The following ABCC6 variants were observed in gnomAD, a reference collection of about 807,000 sequenced individuals.
The protein encoded by ABCC6 is ATP-binding cassette sub-family C member 6.
In ABCC6, 126 loss-of-function variants were observed where a neutral mutation model predicts 169.5. The ratio of observed to expected loss-of-function variants is 0.74; its 90% CI spans 0.64 to 0.86. The LOEUF is 0.86. ABCC6 is among the 40% of genes least tolerant of loss of function. ABCC6 has a pLI of 0.00. For missense variants in ABCC6, 1,733 were observed against 1,927.2 expected (o/e 0.90, Z 1.89); for synonymous variants, 752 against 814.7 (o/e 0.92, Z 1.31).
intron 14 of ABCC6, 144 bp downstream of exon 14, chr16:16,186,980 G>A (rs897129499): frequency 2.8e-6 from 2 of 722,068 alleles, no homozygotes; most frequent in African/African-American, 1.7e-5. Flanking sequence ...CAAGTGACAC[G>A]CAGATGGCGT....
intron 10 of ABCC6, among the ~76,000 whole-genome samples, chr16:16,196,017 C>T (rs995286868): frequency 6.6e-6 from 1 of 151,908 alleles, no homozygotes; most frequent in Non-Finnish European, 1.5e-5. Context: ...CAGGACCAGC[C>T]CAGCCAACAT....
rs200013713 is a variant in ABCC6, at chr16:16,197,982, G to A, written c.1338+39C>T. On this transcript the variant is annotated intron_variant, in intron 10 of 30. Coordinates refer to ENST00000205557, the MANE Select transcript of ABCC6 (RefSeq NM_001171.6). The stretch of plus-strand genomic sequence containing the variant: ...GAGGAGGGGGAGAAGGAGGGGGTGG[G>A]GGACTCCGTTCAAATCCCGTCTTCC... The A allele has an allele frequency of 3.1e-4, 502 of 1,595,586 alleles. 1 individual carries two copies. Among genetic ancestry groups the A allele is most frequent in the South Asian group, 2.1e-3 (184 of 89,244 alleles).
intron 15 of ABCC6, among the ~76,000 whole-genome samples, chr16:16,183,204 C>T (rs778641795): frequency 2.6e-5 from 4 of 152,190 alleles, no homozygotes; most frequent in Non-Finnish European, 5.9e-5. Context: ...AATGTGGGCA[C>T]GCATCCACAC....
intron 15 of ABCC6, among the ~76,000 whole-genome samples, chr16:16,183,162 T>G (rs1218633950): frequency 1.3e-5 from 2 of 152,050 alleles, no homozygotes; most frequent in African/African-American, 4.8e-5. Flanking sequence ...ATTTGCACAC[T>G]CATACAAGCA....
chr16:16,156,718 G>T (rs572047843), intron 27 of ABCC6, among the ~76,000 whole-genome samples: 4 of 151,848 alleles, frequency 2.6e-5, no homozygotes, highest in Non-Finnish European at 4.4e-5. Flanking sequence ...GAGGCCGAGG[G>T]GGGTGATTGA....
In ABCC6 at chr16:16,198,083, A is replaced by G; in HGVS notation, c.1276T>C (p.Tyr426His). 6.2e-7 allele frequency: 1 copy of G among 1,614,064 alleles called. No individual in the cohort carries two copies. Among genetic ancestry groups the G allele is most frequent in the Non-Finnish European group, 8.5e-7 (1 of 1,179,994 alleles). ...DVQRLTESVL[Y>H]LNGLWLPLVW... is the part of the protein sequence containing the mutation. The stretch of plus-strand genomic sequence containing the variant: ...AGAGGCAGCCACAGCCCGTTGAGGT[A>G]GAGGACGCTCTCGGTCAGCCGCTGC... Residue 426 changes from tyrosine to histidine, a missense_variant, in exon 10 of 31, where the codon TAC (tyrosine) becomes CAC (histidine). By Grantham distance (83) the Tyr-to-His change is moderately conservative. This residue lies in a region of ABCC6 where 1,601 missense variants were observed against 1,635.5 expected (regional missense o/e 0.98). Transcript: ENST00000205557.
chr16:16,214,373 G>A lies in ABCC6; in HGVS notation c.551C>T (p.Ser184Phe). 2.6e-6 allele frequency: 4 copies of A among 1,551,236 alleles called. No individual in the cohort carries two copies. The highest frequency in any genetic ancestry group is 1.2e-5 in the South Asian group (1 of 84,034). ...LSLVVAQFVL[S>F]CLADQPPFFP... ...GAAGGGGGGTTGATCCGCCAGGCAG[G>A]ACAGCACAAACTGTGCCACCACCAG... Residue 184 changes from serine (S) to phenylalanine (F), a missense_variant, in exon 5 of 31, where the codon TCC (serine) becomes TTC (phenylalanine). Physicochemically the swap from Ser to Phe is radical, Grantham distance 155. Transcript: ENST00000205557.
intron 29 of ABCC6, among the ~76,000 whole-genome samples, chr16:16,152,307 T>G (rs11075299): frequency 0.23 from 34,105 of 151,052 alleles, 4,514 homozygotes; most frequent in Admixed American, 0.29. Context: ...GTGAGCCCAG[T>G]GAGCCCCTGA....
At chr16:16,179,626 G>A (rs571699332) in intron 17 of ABCC6, among the ~76,000 whole-genome samples, 10 of 152,264 alleles carry the variant, frequency 6.6e-5, no homozygotes, top group Admixed American at 6.5e-4. Flanking sequence ...TTTTGCTCTT[G>A]TCACCCAGGC....
In ABCC6 at chr16:16,149,822, AGCCTGGGCATGTGCTT is replaced by A; in HGVS notation, c.*295_*310del. On this transcript the variant is annotated 3_prime_UTR_variant, in exon 31 of 31. Transcript: ENST00000205557. ...ATTCTGATTTAAGGGTCTAGCCGGGAGCCTGGGCATGTGCTTGAGGCCCCCAGGTGAGTCCAGAGTA... is the reference window on the plus strand; with the variant it reads ...ATTCTGATTTAAGGGTCTAGCCGGGAGAGGCCCCCAGGTGAGTCCAGAGTA... 1 of 501,680 alleles carries A rather than the reference AGCCTGGGCATGTGCTT, an allele frequency of 2.0e-6. No individual in the cohort carries two copies. The highest frequency in any genetic ancestry group is 3.7e-6 in the Non-Finnish European group (1 of 273,596). 31.1% of individuals were successfully genotyped at this position (501,680 alleles called of 1,614,324 possible). A position where few individuals can be genotyped will look rare whatever the true frequency, so the allele number is the denominator to read the frequency against.
intron 19 of ABCC6, 38 bp downstream of exon 19, chr16:16,177,414 G>C (rs1318289508): frequency 8.1e-6 from 13 of 1,613,140 alleles, no homozygotes; most frequent in Non-Finnish European, 1.1e-5. Context: ...AGGGTGGCAG[G>C]AGCCAGGCCT....
intron 13 of ABCC6, among the ~76,000 whole-genome samples, chr16:16,188,528 G>C (rs1335707961): frequency 1.3e-5 from 2 of 152,216 alleles, no homozygotes; most frequent in East Asian, 1.9e-4. Flanking sequence ...TATAAAAAAG[G>C]GAACTGACAT....
intron 24 of ABCC6, 104 bp downstream of exon 24, chr16:16,162,889 C>G (rs2046763724): frequency 6.9e-7 from 1 of 1,457,588 alleles, no homozygotes; most frequent in South Asian, 1.1e-5. Context: ...CAACTATGTC[C>G]CTGACTCTCT....
At chr16:16,196,049 A>C (rs868158313) in intron 10 of ABCC6, among the ~76,000 whole-genome samples, 10 of 152,056 alleles carry the variant, frequency 6.6e-5, no homozygotes, top group African/African-American at 2.2e-4. Flanking sequence ...GTTTCTACTA[A>C]AAATACAAAA....
chr16:16,213,579 T>G (rs1354767970), intron 5 of ABCC6, among the ~76,000 whole-genome samples: 1 of 80,492 alleles, frequency 1.2e-5, no homozygotes. Context: ...TTTTTTTTTT[T>G]GGTGGAGTTC....
In ABCC6 at chr16:16,149,614, C is replaced by A; in HGVS notation, c.*519G>T. The stretch of plus-strand genomic sequence containing the variant: ...AAGATTGTTGTGTCAATGTCAACAC[C>A]CTGGCTGTGATGCTTTATCCTAGAG... On this transcript the variant is annotated 3_prime_UTR_variant, in exon 31 of 31. Transcript: ENST00000205557. 1 of 263,240 alleles carries A rather than the reference C, an allele frequency of 3.8e-6. No homozygotes were observed. Among genetic ancestry groups the A allele is most frequent in the African/African-American group, 2.2e-5 (1 of 46,310 alleles). 16.3% of individuals were successfully genotyped at this position (263,240 alleles called of 1,614,324 possible).
intron 11 of ABCC6, among the ~76,000 whole-genome samples, chr16:16,191,513 A>G (rs2047853091): frequency 6.6e-6 from 1 of 152,168 alleles, no homozygotes; most frequent in South Asian, 2.1e-4. Flanking sequence ...GGACACTGGG[A>G]CAGCTGGGCC....
Position 16,175,912 on chromosome 16 carries a change from T to G in ABCC6, c.2665A>C (p.Arg889=). 6.2e-7 allele frequency: 1 copy of G among 1,614,100 alleles called. No homozygotes were observed. Among genetic ancestry groups the G allele is most frequent in the Admixed American group, 1.7e-5 (1 of 60,016 alleles). ...AGRRPELRRE[R]SIKSVPEKDR... is the part of the protein sequence containing the mutation. The stretch of plus-strand genomic sequence containing the variant: ...AGTGTGGCACCATGGTGGACTCACC[T>G]CTCGCGTCTAAGCTCGGGCCTCCTG... The change falls in exon 20 of 31, where the codon AGG becomes CGG. Residue 889 remains arginine, a splice_region_variant and synonymous_variant. Coordinates refer to ENST00000205557, the MANE Select transcript of ABCC6 (RefSeq NM_001171.6).
intron 26 of ABCC6, among the ~76,000 whole-genome samples, 173 bp downstream of exon 26, chr16:16,159,309 C>A (rs1036648193): frequency 6.6e-6 from 1 of 152,172 alleles, no homozygotes; most frequent in Non-Finnish European, 1.5e-5. Flanking sequence ...AAACCTTATG[C>A]TCCTAACCAC....
Sources: allele counts gnomAD v4.1 joint callset (sites outside exome capture counted in the v4.1 genomes callset), GRCh38; gene constraint gnomAD v4.1.1; regional missense constraint gnomAD v4.1.1; transcripts MANE v1.5; gene names NCBI Gene and HGNC (gene_info 2026-07-23, HGNC 2026-07-21).